The following ZNF185 variants were observed in gnomAD, a reference collection of about 807,000 sequenced individuals.
The protein encoded by ZNF185 is zinc finger protein 185 with LIM domain, also known as zinc finger protein 185.
Under a neutral mutation model 58.6 loss-of-function variants are expected in ZNF185, and 56 were observed. The ratio of observed to expected loss-of-function variants is 0.95; its 90% confidence interval spans 0.77 to 1.19. The LOEUF (loss-of-function observed/expected upper bound fraction) is 1.19. ZNF185 is among the 50% of genes most tolerant of loss of function. ZNF185 has a pLI of 0.00. For missense variants in ZNF185, 627 were observed against 573.5 expected (o/e 1.09, Z -0.95); for synonymous variants, 230 against 215.9 (o/e 1.07, Z -0.57).
chrX:152,915,695 G>A (rs782394465), intron 3 of ZNF185, among the ~76,000 whole-genome samples: 3 of 112,395 alleles, frequency 2.7e-5, no homozygotes, highest in Admixed American at 1.9e-4. Flanking sequence ...CAAGTTTACC[G>A]TGACATATTT....
intron 11 of ZNF185, among the ~76,000 whole-genome samples, chrX:152,926,715 G>A (rs538947415): frequency 8.9e-6 from 1 of 112,019 alleles, no homozygotes; most frequent in South Asian, 3.7e-4. Flanking sequence ...GAGATGGTGG[G>A]GTAGCGGGTT....
At chrX:152,956,888 A>C (rs1556905302) in intron 16 of ZNF185, among the ~76,000 whole-genome samples, 1 of 112,458 alleles carries the variant, frequency 8.9e-6, no homozygotes, top group African/African-American at 3.2e-5. Flanking sequence ...TTCAATCTTA[A>C]TCAGTTTGAA....
chrX:152,911,965 T>C (rs5925252), upstream of ZNF185, among the ~76,000 whole-genome samples: 1 of 86,366 alleles, frequency 1.2e-5, no homozygotes, highest in African/African-American at 4.5e-5. Flanking sequence ...CCATCCCATC[T>C]ATCCCATCTG....
chrX:152,932,631 A>G (rs2045828735), intron 13 of ZNF185, among the ~76,000 whole-genome samples: 1 of 111,655 alleles, frequency 9.0e-6, no homozygotes, highest in Non-Finnish European at 1.9e-5. Context: ...TCCCCCCACC[A>G]CCAACGAACT....
intron 17 of ZNF185, 55 bp from the exon 20 acceptor site, chrX:152,963,784 T>C (rs1413863232): frequency 5.4e-6 from 6 of 1,106,549 alleles, no homozygotes; most frequent in Non-Finnish European, 7.4e-6. Context: ...TGTTTGACCC[T>C]GGAAGGTGTC....
chrX:152,945,068 A>T (rs1196576018), intron 15 of ZNF185, among the ~76,000 whole-genome samples, 199 bp from the exon 18 acceptor site: 1 of 112,462 alleles, frequency 8.9e-6, no homozygotes, highest in East Asian at 2.8e-4. Context: ...GTGAGAAGGG[A>T]GCAGCGATGC....
upstream of ZNF185, among the ~76,000 whole-genome samples, chrX:152,910,363 G>A (rs918255436): frequency 8.9e-6 from 1 of 112,189 alleles, no homozygotes; most frequent in African/African-American, 3.2e-5. Flanking sequence ...AAATATTTTG[G>A]TGTATATCTT....
exon 18 of ZNF185, chrX:152,963,905 T>A: frequency 8.3e-7 from 1 of 1,211,671 alleles, no homozygotes; most frequent in Non-Finnish European, 1.1e-6. Flanking sequence ...AGCCTCACAT[T>A]TATATTCCAG....
chrX:152,898,300 C>A, the ZNF185 span, among the ~76,000 whole-genome samples: 1 of 112,560 alleles, frequency 8.9e-6, no homozygotes, highest in Non-Finnish European at 1.9e-5. Context: ...GGCACCCAGT[C>A]CGTGCCCAGC....
chrX:152,900,210 TGG>T, the ZNF185 span, among the ~76,000 whole-genome samples: 2 of 112,062 alleles, frequency 1.8e-5, no homozygotes, highest in Non-Finnish European at 3.8e-5. Flanking sequence ...TCCCTAGCAC[TGG>T]GCCCAGGACC....
At chrX:152,905,101 T>C in the ZNF185 span, among the ~76,000 whole-genome samples, 20,959 of 112,554 alleles carry the variant, frequency 0.19, 1,413 homozygotes, top group South Asian at 0.27. Flanking sequence ...TGTGGCTTTG[T>C]GGCCTTGACC....
At chrX:152,906,010 G>A in the ZNF185 span, among the ~76,000 whole-genome samples, 1 of 112,555 alleles carries the variant, frequency 8.9e-6, no homozygotes. Context: ...TGTAGCAGCT[G>A]GGGTCACCCT....
the ZNF185 span, among the ~76,000 whole-genome samples, chrX:152,907,186 G>A: frequency 1.8e-5 from 2 of 111,810 alleles, no homozygotes; most frequent in Non-Finnish European, 1.9e-5. Context: ...ATCTCCTCAC[G>A]CTCCAGCACC....
intron 15 of ZNF185, among the ~76,000 whole-genome samples, chrX:152,942,020 GGTGTGGAC>G (rs1306113840): frequency 1.8e-5 from 2 of 112,206 alleles, no homozygotes; most frequent in African/African-American, 6.5e-5. Context: ...AGGGGGAGGG[GGTGTGGAC>G]GTGCAGACAG....
chrX:152,959,425 T>C (rs1362591486), intron 16 of ZNF185, among the ~76,000 whole-genome samples: 1 of 112,320 alleles, frequency 8.9e-6, no homozygotes, highest in African/African-American at 3.2e-5. Context: ...AGAATACCAG[T>C]GTGTTTCCAG....
chrX:152,968,403 G>A (rs114928948), intron 20 of ZNF185, among the ~76,000 whole-genome samples: 1,491 of 112,895 alleles, frequency 0.013, 29 homozygotes, highest in African/African-American at 0.046. Flanking sequence ...AGGCTTGGAG[G>A]AAGGAAGGGG....
intron 19 of ZNF185, among the ~76,000 whole-genome samples, chrX:152,966,662 T>C (rs2050140541): frequency 8.9e-6 from 1 of 111,817 alleles, no homozygotes; most frequent in South Asian, 3.8e-4. Context: ...CCCTTTAAAG[T>C]GTACAGTCCC....
chrX:152,922,355 C>T (rs1385618362), intron 10 of ZNF185, 99 bp downstream of exon 11: 21 of 812,586 alleles, frequency 2.6e-5, no homozygotes, highest in East Asian at 1.0e-4. Context: ...TGCTGGGCTT[C>T]GAGATCAGTG....
Position 152,928,573 on chromosome X carries a change from A to G in ZNF185, c.831-2A>G. On this transcript the variant is annotated splice_acceptor_variant, in intron 11 of 22. Transcript: ENST00000449285. LOFTEE classifies it high-confidence loss of function. ...CCACTGGGTCTCTCCTTTGGCCCGCAGCTCAAGAGGTGAGGAAATTGTCCG... is the reference window on the plus strand; with the variant it reads ...CCACTGGGTCTCTCCTTTGGCCCGCGGCTCAAGAGGTGAGGAAATTGTCCG... 3 of 1,211,640 alleles carry G rather than the reference A, an allele frequency of 2.5e-6. No homozygotes were observed. In the South Asian group the frequency reaches 5.3e-5, roughly 21 times the overall value.
Sources: allele counts gnomAD v4.1 joint callset (sites outside exome capture counted in the v4.1 genomes callset), GRCh38; gene constraint gnomAD v4.1.1; transcripts MANE v1.5; gene names NCBI Gene and HGNC (gene_info 2026-07-23, HGNC 2026-07-21).